Variants in POC1B observed in about 807,000 individuals in gnomAD.
POC1B encodes the protein POC1 centriolar protein homolog B.
POC1B carries 44 observed loss-of-function variants against 60.6 expected under a neutral mutation model. That is an observed-to-expected ratio of 0.73 (90% CI 0.57 to 0.93). The LOEUF is 0.93. POC1B is among the 40% of genes least tolerant of loss of function. The pLI is 0.00. For synonymous variants in POC1B, 180 were observed against 198.9 expected, an observed-to-expected ratio of 0.90 and a Z score of 0.80; for missense variants, 555 against 572.3, an observed-to-expected ratio of 0.97 and a Z score of 0.31.
At chr12:89,524,688 C>T in intron 2 of POC1B, 1 of 912,674 alleles carries the variant, frequency 1.1e-6, no homozygotes, top group Non-Finnish European at 1.7e-6. Context: ...TTTCCAGCCA[C>T]CCAGGCTTTC....
At position 89,459,625 on chromosome 12, in the gene POC1B, A is replaced by AAG; in HGVS notation, c.1113+12_1113+13insCT. 1 of 1,401,190 alleles carries AAG rather than the reference A, an allele frequency of 7.1e-7. No individual in the cohort carries two copies. The highest frequency in any genetic ancestry group is 9.6e-7 in the Non-Finnish European group (1 of 1,038,966). 86.8% of individuals were successfully genotyped at this position (1,401,190 alleles called of 1,614,324 possible). A position where few individuals can be genotyped will look rare whatever the true frequency, so the allele number is the denominator to read the frequency against. On this transcript the variant is annotated intron_variant, in intron 10 of 11. Coordinates refer to ENST00000313546, the MANE Select transcript of POC1B (RefSeq NM_172240.3). Reference sequence around the variant, plus strand: ...ACTTAAGTGTCAAAAAAAAAAAAAAAAACCCGACTTACTGTGGTAGAATCA... The same window carrying AAG: ...ACTTAAGTGTCAAAAAAAAAAAAAAAAGAACCCGACTTACTGTGGTAGAATCA...
chr12:89,443,244 C>G (rs1485417700), intron 10 of POC1B, among the ~76,000 whole-genome samples: 1 of 152,170 alleles, frequency 6.6e-6, no homozygotes, highest in Non-Finnish European at 1.5e-5. Flanking sequence ...AGCTCTGCAC[C>G]AAGTGGACCT....
chr12:89,521,870 T>G (rs1489283828), intron 2 of POC1B: 1 of 397,768 alleles, frequency 2.5e-6, no homozygotes, highest in Non-Finnish European at 4.4e-6. Context: ...TCCACAGCCT[T>G]GGTAGAACCT....
the POC1B span, among the ~76,000 whole-genome samples, chr12:89,411,266 A>T: frequency 6.6e-6 from 1 of 152,200 alleles, no homozygotes; most frequent in African/African-American, 2.4e-5. Context: ...ATTAGAAAAA[A>T]CTATTTTAAA....
chr12:89,499,342 A>T (rs1041369708), intron 2 of POC1B, among the ~76,000 whole-genome samples: 1 of 152,212 alleles, frequency 6.6e-6, no homozygotes, highest in Admixed American at 6.5e-5. Flanking sequence ...GCCACTGGGG[A>T]CTACTAGAAG....
the POC1B span, among the ~76,000 whole-genome samples, chr12:89,414,192 C>T: frequency 6.6e-6 from 1 of 152,038 alleles, no homozygotes; most frequent in Non-Finnish European, 1.5e-5. Context: ...CATGCCCAGC[C>T]AATTTTTTCT....
chr12:89,504,670 CT>C (rs1869812975), intron 2 of POC1B, among the ~76,000 whole-genome samples: 1 of 151,918 alleles, frequency 6.6e-6, no homozygotes, highest in South Asian at 2.1e-4. Flanking sequence ...ATAATTTGTA[CT>C]GTGCAAAAAT....
At chr12:89,411,634 G>A in the POC1B span, among the ~76,000 whole-genome samples, 4 of 145,300 alleles carry the variant, frequency 2.8e-5, no homozygotes, top group South Asian at 4.8e-4. Context: ...AGATGTTCTC[G>A]TGAGTAAGAA....
At chr12:89,500,003 C>G in intron 2 of POC1B, 1 of 879,722 alleles carries the variant, frequency 1.1e-6, no homozygotes. Flanking sequence ...CCTGGTAGTC[C>G]GGCGATTCAT....
At chr12:89,402,795 A>G in the POC1B span, among the ~76,000 whole-genome samples, 3 of 152,176 alleles carry the variant, frequency 2.0e-5, no homozygotes, top group Non-Finnish European at 2.9e-5. Flanking sequence ...GCTAGAGCAC[A>G]GTGGCACAAT....
rs1869277228 is a variant in POC1B, at chr12:89,496,901, C to T, written c.272+270G>A. 4 of 364,946 alleles carry T rather than the reference C, an allele frequency of 1.1e-5. No individual in the cohort carries two copies. The South Asian group carries it at 1.6e-4, about 15-fold the overall frequency. The allele number at this position is 364,946 out of a possible 1,614,324, so 22.6% of individuals were successfully genotyped here. A position where few individuals can be genotyped will look rare whatever the true frequency, so the allele number is the denominator to read the frequency against. On this transcript the variant is annotated intron_variant, in intron 3 of 11. Transcript: ENST00000313546. ...AGACAGTCTAAAGCTTACCTCAGAT[C>T]TACAAAGGGATGGATAGCTACCACT...
At chr12:89,440,397 G>A (rs1404472803) in intron 10 of POC1B, among the ~76,000 whole-genome samples, 2 of 152,222 alleles carry the variant, frequency 1.3e-5, no homozygotes, top group Non-Finnish European at 2.9e-5. Flanking sequence ...ATAAAAGTCT[G>A]AGGAAAACAG....
chr12:89,477,339 T>C (rs1416160576), intron 4 of POC1B, among the ~76,000 whole-genome samples: 1 of 152,110 alleles, frequency 6.6e-6, no homozygotes, highest in South Asian at 2.1e-4. Context: ...ATGAAAAATA[T>C]GTAAAAAGAT....
At chr12:89,516,608 C>A (rs1870453507) in intron 2 of POC1B, among the ~76,000 whole-genome samples, 1 of 152,186 alleles carries the variant, frequency 6.6e-6, no homozygotes, top group African/African-American at 2.4e-5. Flanking sequence ...ACTCTCAGAA[C>A]AAAATCCTAA....
At chr12:89,478,077 ACATT>A (rs3990284) in intron 4 of POC1B, among the ~76,000 whole-genome samples, 31,848 of 148,772 alleles carry the variant, frequency 0.21, 3,475 homozygotes, top group Admixed American at 0.25. Context: ...GCCCACAACC[ACATT>A]CATTCATTCA....
intron 4 of POC1B, 158 bp from the exon 5 acceptor site, chr12:89,472,433 A>G (rs1040134078): frequency 2.9e-5 from 16 of 557,806 alleles, no homozygotes; most frequent in Admixed American, 1.5e-4. Context: ...CAAGATCTTC[A>G]TCATGACAAA....
chr12:89,493,688 G>C (rs1869100808), intron 3 of POC1B, among the ~76,000 whole-genome samples: 1 of 152,212 alleles, frequency 6.6e-6, no homozygotes, highest in African/African-American at 2.4e-5. Flanking sequence ...TGACCAGGAA[G>C]CTAAGAGACA....
At chr12:89,439,230 T>C (rs1020727532) in intron 10 of POC1B, among the ~76,000 whole-genome samples, 4 of 152,198 alleles carry the variant, frequency 2.6e-5, no homozygotes, top group African/African-American at 9.7e-5. Flanking sequence ...CATGCCTGAT[T>C]CCTATGATCC....
At chr12:89,419,356 T>C (rs555651515), downstream of POC1B, among the ~76,000 whole-genome samples, 2 of 152,172 alleles carry the variant, frequency 1.3e-5, no homozygotes, top group East Asian at 3.9e-4. Flanking sequence ...GTTAGAAAAA[T>C]TGAGTCTGTT....
Sources: allele counts gnomAD v4.1 joint callset (sites outside exome capture counted in the v4.1 genomes callset), GRCh38; gene constraint gnomAD v4.1.1; transcripts MANE v1.5; gene names NCBI Gene and HGNC (gene_info 2026-07-23, HGNC 2026-07-21).